HPSE2: variants seen among roughly 807,000 people sequenced by gnomAD.
The protein encoded by HPSE2 is heparanase 2 (inactive).
A neutral mutation model predicts 60.5 loss-of-function variants in HPSE2; 38 were observed. That is an observed-to-expected ratio of 0.63 (90% CI 0.48 to 0.82). The LOEUF is 0.82. Among genes scored for constraint, HPSE2 ranks in the 40% least tolerant of loss-of-function variants. The pLI, the probability that HPSE2 is intolerant of heterozygous loss-of-function variation, is 0.00. For missense variants in HPSE2, 713 were observed against 740.4 expected (o/e 0.96, Z 0.43); for synonymous variants, 295 against 293.2 (o/e 1.01, Z -0.06).
intron 3 of HPSE2, among the ~76,000 whole-genome samples, chr10:98,747,628 T>C (rs1179714659): frequency 1.3e-5 from 2 of 152,134 alleles, no homozygotes; most frequent in Admixed American, 6.6e-5. Context: ...TAAGAATAAG[T>C]TTAAGTCCTG....
intron 3 of HPSE2, among the ~76,000 whole-genome samples, chr10:99,034,843 G>A (rs142686424): frequency 2.3e-3 from 354 of 152,200 alleles, no homozygotes; most frequent in African/African-American, 6.8e-3. Context: ...TCTAACACAT[G>A]GTAATTGTGA....
At chr10:98,768,369 C>T (rs10883196) in intron 3 of HPSE2, among the ~76,000 whole-genome samples, 5,859 of 152,132 alleles carry the variant, frequency 0.039, 241 homozygotes, top group East Asian at 0.17. Flanking sequence ...AGGAGGAAAG[C>T]GGGCAGGAGA....
Position 98,696,292 on chromosome 10 carries a change from T to TAAA in HPSE2, c.957-2348_957-2346dup, listed in dbSNP as rs71009706. On this transcript the variant is annotated intron_variant, in intron 5 of 11. Coordinates refer to ENST00000370552, the MANE Select transcript of HPSE2 (RefSeq NM_021828.5). ...AAGCAGAGATGATCAGAGGCTCCCA[T>TAAA]AAAAAAAAAAAAAAAAAAAAAAAAA... Among the ~76,000 whole-genome samples the TAAA allele has an allele frequency of 2.2e-3, 193 of 89,642 alleles. 14 individuals carry two copies. Among genetic ancestry groups the TAAA allele is most frequent in the Middle Eastern group, 7.0e-3 (1 of 142 alleles). The allele number at this position is 89,642 out of a possible 152,430, so 58.8% of individuals were successfully genotyped here. A position where few individuals can be genotyped will look rare whatever the true frequency, so the allele number is the denominator to read the frequency against.
chr10:99,240,024 A>T (rs1454894917), upstream of HPSE2, among the ~76,000 whole-genome samples: 1 of 151,904 alleles, frequency 6.6e-6, no homozygotes, highest in African/African-American at 2.4e-5. Flanking sequence ...CCCAGTCTCT[A>T]CTAAAAATAC....
At chr10:99,109,851 G>A (rs1284796749) in intron 3 of HPSE2, among the ~76,000 whole-genome samples, 1 of 152,110 alleles carries the variant, frequency 6.6e-6, no homozygotes. Flanking sequence ...AAACAAAAAT[G>A]TTTAATATGA....
At chr10:98,575,081 G>A (rs952250542) in intron 9 of HPSE2, among the ~76,000 whole-genome samples, 4 of 152,190 alleles carry the variant, frequency 2.6e-5, no homozygotes, top group Non-Finnish European at 5.9e-5. Context: ...TGTAGGGAAA[G>A]AGCCCTCAGC....
chr10:98,808,612 C>A (rs1436609090), intron 3 of HPSE2, among the ~76,000 whole-genome samples: 3 of 152,238 alleles, frequency 2.0e-5, no homozygotes, highest in Non-Finnish European at 4.4e-5. Flanking sequence ...AAACAAAGTT[C>A]TCTTTATTGG....
chr10:98,588,518 G>T (rs964818118), intron 9 of HPSE2, among the ~76,000 whole-genome samples: 3 of 152,076 alleles, frequency 2.0e-5, no homozygotes, highest in African/African-American at 7.2e-5. Context: ...TTGCTTTCCT[G>T]CAGGAGATCC....
At chr10:98,949,439 G>T (rs1366194751) in intron 3 of HPSE2, among the ~76,000 whole-genome samples, 1 of 152,068 alleles carries the variant, frequency 6.6e-6, no homozygotes, top group Non-Finnish European at 1.5e-5. Flanking sequence ...TTGTGTCAGA[G>T]ATGTAAAAAA....
intron 3 of HPSE2, among the ~76,000 whole-genome samples, chr10:99,084,902 G>A (rs775840907): frequency 3.2e-4 from 49 of 152,322 alleles, no homozygotes; most frequent in Admixed American, 1.1e-3. Flanking sequence ...AGAAAGAACA[G>A]CTTTGCCTAT....
chr10:99,029,326 G>A lies in HPSE2; in HGVS notation c.610+114912C>T, dbSNP rs183592069. On this transcript the variant is annotated intron_variant, in intron 3 of 11. Coordinates refer to ENST00000370552, the MANE Select transcript of HPSE2 (RefSeq NM_021828.5). ...ATGCAGGGACCAGCCCCACAGGGTC[G>A]GTGGGTCTCTCCCCATGTGCGGTGA... Among the ~76,000 whole-genome samples, 551 of 152,248 alleles carry A rather than the reference G, an allele frequency of 3.6e-3. 2 individuals are homozygous for A. The highest frequency in any genetic ancestry group is 6.2e-3 in the Non-Finnish European group (424 of 68,004).
chr10:98,661,196 A>G (rs1259290421), intron 6 of HPSE2, among the ~76,000 whole-genome samples: 1 of 152,238 alleles, frequency 6.6e-6, no homozygotes. Flanking sequence ...ATCTCCTTCA[A>G]AGGATACATA....
At chr10:98,599,738 T>A (rs1945345320) in intron 9 of HPSE2, among the ~76,000 whole-genome samples, 1 of 152,190 alleles carries the variant, frequency 6.6e-6, no homozygotes, top group East Asian at 1.9e-4. Flanking sequence ...TGTGTCTTAT[T>A]TCTGTGCTCT....
intron 3 of HPSE2, among the ~76,000 whole-genome samples, chr10:98,888,135 A>AC (rs1953221901): frequency 1.6e-4 from 23 of 140,806 alleles, no homozygotes; most frequent in African/African-American, 4.7e-4. Context: ...TTTTAAAACA[A>AC]ACACACACAC....
chr10:98,742,455 C>T (rs1461461066), intron 4 of HPSE2, among the ~76,000 whole-genome samples: 1 of 151,726 alleles, frequency 6.6e-6, no homozygotes, highest in Admixed American at 6.6e-5. Flanking sequence ...ACATATAAGA[C>T]TGTTAATGAA....
chr10:98,749,947 T>TATATATATATATACACAC, intron 3 of HPSE2, among the ~76,000 whole-genome samples: 77 of 98,464 alleles, frequency 7.8e-4, no homozygotes, highest in African/African-American at 2.4e-3. Context: ...TATATATATA[T>TATATATATATATACACAC]ACACACACAC....
intron 2 of HPSE2, among the ~76,000 whole-genome samples, chr10:99,186,020 G>A (rs903576393): frequency 2.7e-5 from 4 of 150,130 alleles, no homozygotes; most frequent in African/African-American, 9.8e-5. Flanking sequence ...AGAAATAATG[G>A]CTGAGAAATT....
chr10:99,118,610 G>C (rs1564821839), intron 3 of HPSE2, among the ~76,000 whole-genome samples: 1 of 150,782 alleles, frequency 6.6e-6, no homozygotes, highest in African/African-American at 2.4e-5. Flanking sequence ...ATGGGCAAAA[G>C]CTGGAAGCAC....
intron 3 of HPSE2, among the ~76,000 whole-genome samples, chr10:99,036,165 T>C (rs1957605229): frequency 6.6e-6 from 1 of 152,002 alleles, no homozygotes; most frequent in South Asian, 2.1e-4. Context: ...AAGTGAACTA[T>C]GAATGCACCA....
Sources: allele counts gnomAD v4.1 joint callset (sites outside exome capture counted in the v4.1 genomes callset), GRCh38; gene constraint gnomAD v4.1.1; transcripts MANE v1.5; gene names NCBI Gene and HGNC (gene_info 2026-07-23, HGNC 2026-07-21).